C8B: variants seen among roughly 807,000 people sequenced by gnomAD.
C8B encodes the protein complement C8 beta chain.
In C8B, 67 loss-of-function variants were observed where a neutral mutation model predicts 64.6. The observed-to-expected ratio is 1.04, with a 90% confidence interval of 0.85 to 1.27. The LOEUF (loss-of-function observed/expected upper bound fraction) is 1.27, where lower values mean the gene tolerates loss of function less well. C8B is among the 50% of genes most tolerant of loss of function. The pLI is 0.00. For missense variants in C8B, 790 were observed against 725.2 expected (o/e 1.09, Z -1.03); for synonymous variants, 284 against 257.7 (o/e 1.10, Z -0.98).
intron 9 of C8B, among the ~76,000 whole-genome samples, chr1:56,937,970 T>C (rs929647127): frequency 2.0e-5 from 3 of 152,240 alleles, no homozygotes; most frequent in Non-Finnish European, 4.4e-5. Flanking sequence ...CTTTTATTCC[T>C]GTAGGATATA....
chr1:56,951,204 A>G (rs1645016121), intron 5 of C8B, among the ~76,000 whole-genome samples: 1 of 152,138 alleles, frequency 6.6e-6, no homozygotes, highest in South Asian at 2.1e-4. Flanking sequence ...CAGCCTCCCA[A>G]GTGGTTGGGA....
At chr1:56,935,973 A>G (rs1644769452) in intron 9 of C8B, among the ~76,000 whole-genome samples, 1 of 152,252 alleles carries the variant, frequency 6.6e-6, no homozygotes, top group Non-Finnish European at 1.5e-5. Flanking sequence ...CGTCTTTGAT[A>G]AAATGGCTTC....
At chr1:56,935,282 T>G (rs1644760113) in intron 9 of C8B, among the ~76,000 whole-genome samples, 1 of 152,230 alleles carries the variant, frequency 6.6e-6, no homozygotes, top group Non-Finnish European at 1.5e-5. Flanking sequence ...AGGCTCCAAA[T>G]TTCCTTTTTA....
At chr1:56,951,594 A>G (rs1645021623) in intron 5 of C8B, among the ~76,000 whole-genome samples, 1 of 152,250 alleles carries the variant, frequency 6.6e-6, no homozygotes, top group Admixed American at 6.5e-5. Context: ...CAGCAAAAAG[A>G]GTTAACATTT....
intron 8 of C8B, among the ~76,000 whole-genome samples, chr1:56,941,893 C>G (rs947198024): frequency 1.3e-5 from 2 of 152,244 alleles, no homozygotes; most frequent in African/African-American, 4.8e-5. Context: ...ACCCTACACA[C>G]CTTGACCAGG....
chr1:56,941,136 AC>A, intron 8 of C8B, 124 bp from the exon 9 acceptor site: 1 of 1,080,078 alleles, frequency 9.3e-7, no homozygotes, highest in Non-Finnish European at 1.4e-6. Flanking sequence ...ATGTGGGTGG[AC>A]CAGACACTTC....
At chr1:56,940,778 T>C in intron 9 of C8B, 71 bp downstream of exon 9, 1 of 1,567,516 alleles carries the variant, frequency 6.4e-7, no homozygotes, top group Non-Finnish European at 8.8e-7. Context: ...ATTTTATACC[T>C]TGGCTCATGG....
At chr1:56,946,888 A>G (rs1395706099) in intron 6 of C8B, among the ~76,000 whole-genome samples, 2 of 152,224 alleles carry the variant, frequency 1.3e-5, no homozygotes. Context: ...CTACAAAGCC[A>G]TGCCAGCTGT....
chr1:56,940,817 G>C, intron 9 of C8B, 32 bp downstream of exon 9: 1 of 1,613,692 alleles, frequency 6.2e-7, no homozygotes, highest in Non-Finnish European at 8.5e-7. Flanking sequence ...TTTCTGGGTG[G>C]AGGAAAGGAT....
chr1:56,945,404 T>G (rs1644926638), intron 7 of C8B, among the ~76,000 whole-genome samples: 1 of 152,310 alleles, frequency 6.6e-6, no homozygotes, highest in South Asian at 2.1e-4. Context: ...TAGATGGCTA[T>G]AGAATAAAAC....
chr1:56,930,125 A>C (rs1644678415), intron 11 of C8B, among the ~76,000 whole-genome samples: 1 of 152,196 alleles, frequency 6.6e-6, no homozygotes, highest in South Asian at 2.1e-4. Context: ...AAATGAATGA[A>C]TGTTTTCCAG....
intron 10 of C8B, 133 bp from the exon 11 acceptor site, chr1:56,932,011 G>T (rs952091608): frequency 1.4e-6 from 1 of 691,174 alleles, no homozygotes. Flanking sequence ...CTTGCTATAG[G>T]CAGGTTCAGG....
At chr1:56,960,228 T>C in intron 1 of C8B, 52 bp from the exon 2 acceptor site, 1 of 1,507,622 alleles carries the variant, frequency 6.6e-7, no homozygotes, top group Non-Finnish European at 9.2e-7. Flanking sequence ...GAATTAAGTA[T>C]ACATCCAACC....
rs1009373980 is a variant in C8B at position 56,945,400 on chromosome 1, G to T, written c.1105+421C>A. Among the ~76,000 whole-genome samples, 42 of 152,202 alleles carry T rather than the reference G, an allele frequency of 2.8e-4. 1 individual carries two copies. The highest frequency in any genetic ancestry group is 5.9e-5 in the Non-Finnish European group (4 of 68,040). On this transcript the variant is annotated intron_variant, in intron 7 of 11. Coordinates refer to ENST00000371237, the MANE Select transcript of C8B (RefSeq NM_000066.4). ...TGGAACCGTTTCTGAGATGTAGATG[G>T]CTATAGAATAAAACATATTGGAGAA...
At chr1:56,950,529 G>T (rs532243322) in intron 5 of C8B, among the ~76,000 whole-genome samples, 6 of 152,268 alleles carry the variant, frequency 3.9e-5, no homozygotes, top group Admixed American at 1.3e-4. Context: ...TCATCTCCCT[G>T]CCCACAGCTC....
In C8B at chr1:56,945,906, A is replaced by C. The variant is rs771458639; in HGVS notation, c.1020T>G (p.Phe340Leu). ...CAGCCTCTGTGATGTAGTGGGTCCC[A>C]AAATCACGGAAGAGATCTCTGTATT... Reference protein sequence around the residue: ...YGEYRDLFRDFGTHYITEAVL... With the variant: ...YGEYRDLFRDLGTHYITEAVL... Residue 340 changes from phenylalanine (F) to leucine (L), a missense_variant, in exon 7 of 12, where the codon TTT becomes TTG. Coordinates refer to ENST00000371237, the MANE Select transcript of C8B (RefSeq NM_000066.4). 1.9e-6 allele frequency: 3 copies of C among 1,614,132 alleles called. No individual in the cohort carries two copies. The highest frequency in any genetic ancestry group is 3.3e-5 in the Admixed American group (2 of 60,018).
At chr1:56,957,985 A>G (rs1187572454) in intron 2 of C8B, among the ~76,000 whole-genome samples, 1 of 152,162 alleles carries the variant, frequency 6.6e-6, no homozygotes, top group Non-Finnish European at 1.5e-5. Flanking sequence ...CAGAAGAGTG[A>G]TATGGGTGGA....
At chr1:56,937,718 C>T (rs530333519) in intron 9 of C8B, among the ~76,000 whole-genome samples, 2 of 152,108 alleles carry the variant, frequency 1.3e-5, no homozygotes, top group Non-Finnish European at 2.9e-5. Context: ...TTCGGAGATA[C>T]TTACACTAAA....
In C8B at chr1:56,933,120, C is replaced by A. The variant is rs150950495; in HGVS notation, c.1552+215G>T. 9.5e-4 allele frequency among the ~76,000 whole-genome samples: 144 copies of A among 152,280 alleles called. 1 individual carries two copies. The highest frequency in any genetic ancestry group is 1.6e-3 in the Non-Finnish European group (107 of 68,030). ...TTTATTCCCACTCCTTGCTGTGGAC[C>A]ACAGGATCTCAGCCTGCTACTGTCT... On this transcript the variant is annotated intron_variant, in intron 10 of 11. Coordinates refer to ENST00000371237, the MANE Select transcript of C8B (RefSeq NM_000066.4).
Sources: gnomAD v4.1 joint callset for allele counts (sites outside exome capture counted in the v4.1 genomes callset) on GRCh38, gnomAD v4.1.1 for gene constraint, MANE v1.5 for transcripts, NCBI Gene and HGNC (gene_info 2026-07-23, HGNC 2026-07-21) for gene names.